LDLRAD4: variants seen among roughly 807,000 people sequenced by gnomAD.
The protein encoded by LDLRAD4 is low-density lipoprotein receptor class A domain-containing protein 4.
LDLRAD4 carries 5 observed loss-of-function variants against 17.0 expected under a neutral mutation model. That is an observed-to-expected ratio of 0.29 (90% CI 0.15 to 0.62). The LOEUF is 0.62. Among genes scored for constraint, LDLRAD4 ranks in the 20% least tolerant of loss-of-function variants. The pLI is 0.84. For missense variants in LDLRAD4, 340 were observed against 424.7 expected, an observed-to-expected ratio of 0.80 and a Z score of 1.75; for synonymous variants, 168 against 171.8, an observed-to-expected ratio of 0.98 and a Z score of 0.17.
intron 3 of LDLRAD4, among the ~76,000 whole-genome samples, chr18:13,527,633 G>A (rs1276283222): frequency 1.3e-5 from 2 of 152,152 alleles, no homozygotes; most frequent in South Asian, 2.1e-4. Context: ...GTTAGGACTC[G>A]GCCACATGCA....
intron 3 of LDLRAD4, among the ~76,000 whole-genome samples, chr18:13,441,806 A>T (rs1032969158): frequency 3.3e-5 from 5 of 152,226 alleles, no homozygotes; most frequent in Non-Finnish European, 4.4e-5. Context: ...TTTGGAGCCC[A>T]GGCTGAGGCA....
intron 1 of LDLRAD4, among the ~76,000 whole-genome samples, chr18:13,248,380 C>T (rs1173971261): frequency 1.3e-5 from 2 of 152,244 alleles, no homozygotes; most frequent in African/African-American, 2.4e-5. Flanking sequence ...TCCAGTGTCA[C>T]CTCTGGATGC....
intron 2 of LDLRAD4, among the ~76,000 whole-genome samples, chr18:13,425,733 G>C (rs1296798262): frequency 6.6e-6 from 1 of 152,226 alleles, no homozygotes; most frequent in Non-Finnish European, 1.5e-5. Context: ...TGGGGAGGCA[G>C]CTGCATTGTT....
At position 13,269,460 on chromosome 18, in the gene LDLRAD4, A is replaced by T. The variant is rs188276568; in HGVS notation, c.-466-8645A>T. Among the ~76,000 whole-genome samples, 11 of 152,354 alleles carry T rather than the reference A, an allele frequency of 7.2e-5. No homozygotes were observed. The East Asian group carries it at 2.1e-3, about 29-fold the overall frequency. ...TATTGTGCTCTGAACTAGTGCTCTG[A>T]TGAGGTAGTAGAAGCATGTCTCTAT... On this transcript the variant is annotated intron_variant, in intron 1 of 5. Coordinates refer to the LDLRAD4 transcript ENST00000399848.
At chr18:13,533,623 T>G (rs1353101740) in intron 3 of LDLRAD4, among the ~76,000 whole-genome samples, 1 of 152,210 alleles carries the variant, frequency 6.6e-6, no homozygotes, top group African/African-American at 2.4e-5. Context: ...GTTTTGGAAG[T>G]GATTATGTAC....
At chr18:13,310,506 G>C (rs916691324) in intron 1 of LDLRAD4, among the ~76,000 whole-genome samples, 1 of 152,200 alleles carries the variant, frequency 6.6e-6, no homozygotes, top group South Asian at 2.1e-4. Flanking sequence ...TCTAATCAGA[G>C]AGGCCAGCAG....
intron 1 of LDLRAD4, among the ~76,000 whole-genome samples, chr18:13,313,588 C>G (rs1044411851): frequency 6.6e-6 from 1 of 152,252 alleles, no homozygotes; most frequent in African/African-American, 2.4e-5. Context: ...CCGCCACCGT[C>G]CCCCGCACGG....
chr18:13,481,584 C>T (rs2093085912), intron 3 of LDLRAD4, among the ~76,000 whole-genome samples: 1 of 152,178 alleles, frequency 6.6e-6, no homozygotes, highest in Non-Finnish European at 1.5e-5. Context: ...TCCTGTCCCC[C>T]AGTCTCCACC....
At chr18:13,647,331 C>T (rs145293257) in exon 6 of LDLRAD4, 17 of 152,296 alleles carry the variant, frequency 1.1e-4, no homozygotes, top group African/African-American at 3.8e-4. Flanking sequence ...GCAGCCAACA[C>T]GTTTAGCAGA....
chr18:13,503,651 A>G (rs565950962), intron 3 of LDLRAD4, among the ~76,000 whole-genome samples: 1 of 152,248 alleles, frequency 6.6e-6, no homozygotes, highest in Non-Finnish European at 1.5e-5. Context: ...CCAGAGGGGA[A>G]GCAGGCAGCC....
chr18:13,494,087 C>T (rs780281666), intron 3 of LDLRAD4, among the ~76,000 whole-genome samples: 1 of 152,138 alleles, frequency 6.6e-6, no homozygotes, highest in African/African-American at 2.4e-5. Flanking sequence ...AACATGACCT[C>T]GACATGAGTT....
rs1256947071 is a variant in LDLRAD4 at position 13,403,822 on chromosome 18, A to G, written c.40+16060A>G. On this transcript the variant is annotated intron_variant, in intron 2 of 5. Transcript: ENST00000359446. ...CTAAAAGAAAGGGCATGGGGAGGCCATGACCTTAAAGCAGGTTTTTTCTGT... is the reference window on the plus strand; with the variant it reads ...CTAAAAGAAAGGGCATGGGGAGGCCGTGACCTTAAAGCAGGTTTTTTCTGT... 3.3e-5 allele frequency among the ~76,000 whole-genome samples: 5 copies of G among 152,254 alleles called. No homozygotes were observed. In the South Asian group the frequency reaches 8.3e-4, roughly 25 times the overall value.
At chr18:13,563,134 C>G (rs546686054) in intron 3 of LDLRAD4, 3 of 152,326 alleles carry the variant, frequency 2.0e-5, no homozygotes, top group African/African-American at 7.2e-5. Flanking sequence ...TCTTGTCACT[C>G]TATATTTTTT....
chr18:13,606,034 C>T (rs1049145472), intron 3 of LDLRAD4, among the ~76,000 whole-genome samples: 1 of 152,138 alleles, frequency 6.6e-6, no homozygotes, highest in Non-Finnish European at 1.5e-5. Context: ...CTCTGAGGAG[C>T]GAGGGTTGGA....
At position 13,641,927 on chromosome 18, in the gene LDLRAD4, G is replaced by A. The variant is rs1485037088; in HGVS notation, c.337-1432G>A. On this transcript the variant is annotated intron_variant, in intron 4 of 5. Coordinates refer to ENST00000359446, the Ensembl canonical transcript of LDLRAD4. Reference sequence around the variant, plus strand: ...GGACCTGGCGGCGTTCCTGGCTACGGCTGACTGGGCTCCCGGAGCGAGGAG... The same window carrying A: ...GGACCTGGCGGCGTTCCTGGCTACGACTGACTGGGCTCCCGGAGCGAGGAG... 4 of 985,408 alleles carry A rather than the reference G, an allele frequency of 4.1e-6. No homozygotes were observed. The African/African-American group carries it at 7.0e-5, about 17-fold the overall frequency. 61.0% of individuals were successfully genotyped at this position (985,408 alleles called of 1,614,324 possible).
intron 1 of LDLRAD4, among the ~76,000 whole-genome samples, chr18:13,317,055 G>T (rs535395554): frequency 1.3e-5 from 2 of 152,162 alleles, no homozygotes; most frequent in Non-Finnish European, 2.9e-5. Context: ...CAGAAGGCAC[G>T]ATAGTGAAAG....
At chr18:13,586,880 G>A (rs866306924) in intron 3 of LDLRAD4, among the ~76,000 whole-genome samples, 35 of 147,364 alleles carry the variant, frequency 2.4e-4, no homozygotes, top group African/African-American at 8.0e-4. Flanking sequence ...AAAAAAAAAG[G>A]AAAAAAAAAT....
rs574984663 is a variant in LDLRAD4, at chr18:13,224,148, C to G, written c.-467+5160C>G. ...CTGCCTGTTTTACCTGTGGCAAGAG[C>G]CTCAGTTATGAGCACTGGACCATGG... is the stretch of plus-strand genomic sequence containing the variant. On this transcript the variant is annotated intron_variant, in intron 1 of 5. Coordinates refer to the LDLRAD4 transcript ENST00000399848. Among the ~76,000 whole-genome samples the G allele has an allele frequency of 5.3e-5, 8 of 152,352 alleles. No individual in the cohort carries two copies. In the East Asian group the frequency reaches 1.5e-3, roughly 29 times the overall value.
chr18:13,416,632 C>A (rs2088921982), intron 2 of LDLRAD4, among the ~76,000 whole-genome samples: 1 of 152,150 alleles, frequency 6.6e-6, no homozygotes, highest in Non-Finnish European at 1.5e-5. Flanking sequence ...AACATTTTTG[C>A]CCGTGTCTAG....
Sources: gnomAD v4.1 joint callset for allele counts (sites outside exome capture counted in the v4.1 genomes callset) on GRCh38, gnomAD v4.1.1 for gene constraint, MANE v1.5 for transcripts, NCBI Gene and HGNC (gene_info 2026-07-23, HGNC 2026-07-21) for gene names.